CHD7: variants seen among roughly 807,000 people sequenced by gnomAD.
CHD7 encodes chromodomain helicase DNA binding protein 7, also known as ATP-dependent chromatin remodeler CHD7.
In CHD7, 24 loss-of-function variants were observed where a neutral mutation model predicts 307.3. That is an observed-to-expected ratio of 0.08 (90% CI 0.06 to 0.11). The LOEUF is 0.11. CHD7 is among the 10% of genes least tolerant of loss of function. The pLI, the probability that CHD7 is intolerant of heterozygous loss-of-function variation, is 1.00. For synonymous variants in CHD7, 1,363 were observed against 1,349.9 expected (o/e 1.01, Z -0.21); for missense variants, 3,106 against 3,727.1 (o/e 0.83, Z 4.34).
intron 2 of CHD7, among the ~76,000 whole-genome samples, chr8:60,778,518 AATTC>A (rs758533677): frequency 2.0e-5 from 3 of 152,184 alleles, no homozygotes; most frequent in Non-Finnish European, 2.9e-5. Context: ...TGCTTTTTCT[AATTC>A]ATTACTGTGT....
chr8:60,855,375 C>G (rs879404837), intron 32 of CHD7, among the ~76,000 whole-genome samples: 1 of 152,170 alleles, frequency 6.6e-6, no homozygotes, highest in Non-Finnish European at 1.5e-5. Flanking sequence ...GAAACTCAGT[C>G]TAAAGCTGTA....
intron 2 of CHD7, among the ~76,000 whole-genome samples, chr8:60,768,671 C>T (rs1330173920): frequency 2.6e-5 from 4 of 152,184 alleles, no homozygotes; most frequent in African/African-American, 9.7e-5. Flanking sequence ...TGAGATTGCT[C>T]CTCAAGTAAT....
At chr8:60,781,949 A>G (rs998105005) in intron 3 of CHD7, among the ~76,000 whole-genome samples, 8 of 152,328 alleles carry the variant, frequency 5.3e-5, no homozygotes, top group African/African-American at 1.9e-4. Flanking sequence ...GTACTTGTCC[A>G]TTGGATATGC....
At chr8:60,733,575 G>T (rs1381024197) in intron 1 of CHD7, among the ~76,000 whole-genome samples, 1 of 152,096 alleles carries the variant, frequency 6.6e-6, no homozygotes, top group African/African-American at 2.4e-5. Context: ...TGAATTGCAG[G>T]GTGTAAAGGA....
intron 1 of CHD7, among the ~76,000 whole-genome samples, chr8:60,700,587 C>T (rs1347774864): frequency 3.3e-5 from 5 of 152,240 alleles, no homozygotes; most frequent in African/African-American, 1.2e-4. Flanking sequence ...TCATTTTAGG[C>T]AGCAACCTAA....
rs551742969 is a variant in CHD7, at chr8:60,802,842, TCTTTA to T, written c.2442+1254_2442+1258del. ...TGTTATTGCACCAGCAGTAAACTTC[TCTTTA>T]CTTTCATTTCATTAGTTTGTTTTGC... On this transcript the variant is annotated intron_variant, in intron 6 of 37. Coordinates refer to ENST00000423902, the MANE Select transcript of CHD7 (RefSeq NM_017780.4). Among the ~76,000 whole-genome samples the T allele has an allele frequency of 2.0e-4, 31 of 152,360 alleles. No homozygotes were observed. The South Asian group carries it at 6.0e-3, about 30-fold the overall frequency.
Position 60,698,754 on chromosome 8 carries a change from T to C in CHD7, c.-175+19672T>C, listed in dbSNP as rs74437665. On this transcript the variant is annotated intron_variant, in intron 1 of 37. Transcript: ENST00000423902. ...AGATTTGCAGAGCCTTGATGTCTAG[T>C]GGTATGACTTGACTTTTCTTCTCTT... 5.4e-3 allele frequency among the ~76,000 whole-genome samples: 830 copies of C among 152,328 alleles called. 9 individuals carry two copies. Among genetic ancestry groups the C allele is most frequent in the African/African-American group, 0.019 (802 of 41,566 alleles).
intron 1 of CHD7, among the ~76,000 whole-genome samples, chr8:60,696,134 C>G (rs1406386010): frequency 6.6e-6 from 1 of 152,110 alleles, no homozygotes; most frequent in Admixed American, 6.5e-5. Context: ...TGAAAGAGTA[C>G]AAAAGAACAT....
chr8:60,814,744 T>G (rs1803649160), intron 7 of CHD7, among the ~76,000 whole-genome samples: 1 of 152,238 alleles, frequency 6.6e-6, no homozygotes, highest in Non-Finnish European at 1.5e-5. Flanking sequence ...TATTATTTAT[T>G]GGAAATTTGG....
chr8:60,858,798 C>T (rs766950275), intron 34 of CHD7, among the ~76,000 whole-genome samples: 36 of 152,094 alleles, frequency 2.4e-4, no homozygotes, highest in African/African-American at 4.6e-4. Context: ...TTGGTGGGGA[C>T]GGGGTTTCAC....
At chr8:60,801,003 T>G (rs1812284613) in intron 5 of CHD7, among the ~76,000 whole-genome samples, 1 of 152,214 alleles carries the variant, frequency 6.6e-6, no homozygotes, top group Non-Finnish European at 1.5e-5. Context: ...ATGGGTAGTG[T>G]AGGATTGATT....
intron 25 of CHD7, 79 bp from the exon 26 acceptor site, chr8:60,850,414 G>A: frequency 6.6e-7 from 1 of 1,507,918 alleles, no homozygotes; most frequent in Non-Finnish European, 9.0e-7. Flanking sequence ...CTTGTGTTGT[G>A]GCAGTGCTGT....
At position 60,867,495 on chromosome 8, in the gene CHD7, A is replaced by G. The variant is rs1806278053; in HGVS notation, c.*1562A>G. 6.6e-6 allele frequency: 1 copy of G among 152,222 alleles called. No homozygotes were observed. The highest frequency in any genetic ancestry group is 1.5e-5 in the Non-Finnish European group (1 of 68,038). The allele number at this position is 152,222 out of a possible 1,614,324, so 9.4% of individuals were successfully genotyped here. A position where few individuals can be genotyped will look rare whatever the true frequency, so the allele number is the denominator to read the frequency against. ...TTTTGACCTTTGGTATTTAAAGTAAAATATAATTTGAGATCTACTGTTTTC... is the reference window on the plus strand; with the variant it reads ...TTTTGACCTTTGGTATTTAAAGTAAGATATAATTTGAGATCTACTGTTTTC... On this transcript the variant is annotated 3_prime_UTR_variant, in exon 38 of 38. Transcript: ENST00000423902.
intron 2 of CHD7, among the ~76,000 whole-genome samples, chr8:60,760,651 AAAAC>A (rs1278142728): frequency 2.2e-4 from 33 of 151,424 alleles, no homozygotes; most frequent in African/African-American, 4.1e-4. Context: ...TTACAAGAAA[AAAAC>A]AAACAACCCC....
intron 3 of CHD7, among the ~76,000 whole-genome samples, chr8:60,794,437 A>T (rs894451683): frequency 4.6e-5 from 7 of 152,228 alleles, no homozygotes; most frequent in African/African-American, 1.7e-4. Context: ...TTAATTAAGA[A>T]CACAGTACCT....
intron 23 of CHD7, among the ~76,000 whole-genome samples, chr8:60,847,594 C>T (rs542045059): frequency 2.0e-4 from 31 of 152,256 alleles, no homozygotes; most frequent in South Asian, 4.1e-4. Flanking sequence ...AAGAAGGCTG[C>T]GATTCACGTA....
chr8:60,736,435 G>A (rs1808715178), intron 1 of CHD7, among the ~76,000 whole-genome samples: 1 of 152,158 alleles, frequency 6.6e-6, no homozygotes, highest in African/African-American at 2.4e-5. Flanking sequence ...TGCCTCTCTT[G>A]ATATGTTTTG....
chr8:60,741,039 C>G (rs1268196851), intron 1 of CHD7, among the ~76,000 whole-genome samples: 1 of 152,170 alleles, frequency 6.6e-6, no homozygotes, highest in East Asian at 1.9e-4. Context: ...TAGTGTTTTG[C>G]TTGCTTTCTA....
In CHD7 at chr8:60,808,210, G is replaced by A; in HGVS notation, c.2443-7G>A. On this transcript the variant is annotated splice_polypyrimidine_tract_variant and splice_region_variant and intron_variant, in intron 6 of 37. Transcript: ENST00000423902. The stretch of plus-strand genomic sequence containing the variant: ...AAATACATGCCTGAAATTTTCTTTT[G>A]TTGCAGAAGGAATCTGGAGAGGAGG... 1.3e-6 allele frequency: 2 copies of A among 1,585,274 alleles called. No homozygotes were observed. Among genetic ancestry groups the A allele is most frequent in the Non-Finnish European group, 1.7e-6 (2 of 1,158,426 alleles).
Sources: gnomAD v4.1 joint callset for allele counts (sites outside exome capture counted in the v4.1 genomes callset) on GRCh38, gnomAD v4.1.1 for gene constraint, MANE v1.5 for transcripts, NCBI Gene and HGNC (gene_info 2026-07-23, HGNC 2026-07-21) for gene names.